ERC2: variants seen among roughly 807,000 people sequenced by gnomAD.
ERC2 encodes the protein ELKS/RAB6-interacting/CAST family member 2.
Under a neutral mutation model 114.8 loss-of-function variants are expected in ERC2, and 42 were observed. That is an observed-to-expected ratio of 0.37 (90% CI 0.29 to 0.47). The LOEUF is 0.47. ERC2 is among the 20% of genes least tolerant of loss of function. The pLI is 0.99. For missense variants in ERC2, 939 were observed against 1,150.7 expected, an observed-to-expected ratio of 0.82 and a Z score of 2.66; for synonymous variants, 454 against 425.5, an observed-to-expected ratio of 1.07 and a Z score of -0.82.
At chr3:55,973,508 T>C (rs1291117972) in intron 12 of ERC2, among the ~76,000 whole-genome samples, 1 of 152,230 alleles carries the variant, frequency 6.6e-6, no homozygotes, top group Non-Finnish European at 1.5e-5. Flanking sequence ...AAATTGTTTT[T>C]ATGATGCCAT....
intron 3 of ERC2, among the ~76,000 whole-genome samples, chr3:56,293,142 G>C (rs1317330116): frequency 6.6e-6 from 1 of 152,248 alleles, no homozygotes; most frequent in Non-Finnish European, 1.5e-5. Context: ...GAATGAATGA[G>C]ATGATTCAGT....
At chr3:56,367,860 C>G (rs1217755603) in intron 2 of ERC2, among the ~76,000 whole-genome samples, 1 of 150,196 alleles carries the variant, frequency 6.7e-6, no homozygotes, top group Non-Finnish European at 1.5e-5. Context: ...CTGTTTGAGC[C>G]CAGGAGTTAA....
intron 13 of ERC2, among the ~76,000 whole-genome samples, chr3:55,916,965 C>T (rs539733756): frequency 6.6e-6 from 1 of 152,044 alleles, no homozygotes; most frequent in Non-Finnish European, 1.5e-5. Flanking sequence ...GGTTTTTTTG[C>T]ACTAAAGTGC....
At chr3:56,106,354 T>C (rs1055716196) in intron 6 of ERC2, among the ~76,000 whole-genome samples, 1 of 152,242 alleles carries the variant, frequency 6.6e-6, no homozygotes, top group Non-Finnish European at 1.5e-5. Context: ...ATGATCCAGT[T>C]ATGTATTAGA....
intron 13 of ERC2, among the ~76,000 whole-genome samples, chr3:55,898,193 T>G (rs748345302): frequency 8.5e-5 from 13 of 152,152 alleles, no homozygotes; most frequent in Non-Finnish European, 1.8e-4. Context: ...TTCTCCAAAA[T>G]GCCCTTGAGC....
At chr3:55,972,508 A>ATG (rs2069243110) in intron 12 of ERC2, among the ~76,000 whole-genome samples, 1 of 152,152 alleles carries the variant, frequency 6.6e-6, no homozygotes, top group African/African-American at 2.4e-5. Context: ...ACTCCCACCT[A>ATG]TGAGTGAGAA....
intron 15 of ERC2, among the ~76,000 whole-genome samples, chr3:55,725,259 T>C (rs1444052873): frequency 6.6e-6 from 1 of 152,220 alleles, no homozygotes; most frequent in African/African-American, 2.4e-5. Context: ...AAAGTTGATC[T>C]TTTCAAGTTT....
intron 15 of ERC2, among the ~76,000 whole-genome samples, chr3:55,708,917 G>A (rs2063625549): frequency 6.8e-6 from 1 of 147,512 alleles, no homozygotes; most frequent in Non-Finnish European, 1.5e-5. Context: ...GAAGACAAGA[G>A]AAGAGAGAAA....
intron 15 of ERC2, among the ~76,000 whole-genome samples, chr3:55,722,912 A>T (rs2064670049): frequency 6.6e-6 from 1 of 152,214 alleles, no homozygotes; most frequent in South Asian, 2.1e-4. Context: ...GGAGACGGCC[A>T]TTTCTTAATG....
intron 14 of ERC2, among the ~76,000 whole-genome samples, chr3:55,856,284 T>C (rs963832938): frequency 6.6e-6 from 1 of 152,200 alleles, no homozygotes; most frequent in Non-Finnish European, 1.5e-5. Flanking sequence ...GTGATCGATC[T>C]GCTAGGGCAT....
At chr3:55,619,954 G>A (rs1559753003) in intron 17 of ERC2, among the ~76,000 whole-genome samples, 2 of 152,150 alleles carry the variant, frequency 1.3e-5, no homozygotes, top group East Asian at 3.9e-4. Context: ...AGGGTTCTTT[G>A]AAGGATTGCT....
intron 13 of ERC2, among the ~76,000 whole-genome samples, chr3:55,927,788 ACTCT>A (rs1266549176): frequency 2.0e-5 from 3 of 151,612 alleles, no homozygotes; most frequent in African/African-American, 7.3e-5. Flanking sequence ...CCATCCTTCT[ACTCT>A]CTATCTCCAT....
intron 3 of ERC2, among the ~76,000 whole-genome samples, chr3:56,239,816 A>G (rs768142926): frequency 2.0e-5 from 3 of 152,240 alleles, no homozygotes; most frequent in Non-Finnish European, 4.4e-5. Context: ...CATATATCAC[A>G]GAACTGGCTG....
intron 17 of ERC2, among the ~76,000 whole-genome samples, chr3:55,594,780 G>T (rs1027103363): frequency 1.3e-5 from 2 of 152,086 alleles, no homozygotes; most frequent in African/African-American, 4.8e-5. Flanking sequence ...CACTGCGCCT[G>T]GCCAGTCAGG....
intron 1 of ERC2, among the ~76,000 whole-genome samples, chr3:56,447,153 A>G (rs561872179): frequency 2.6e-4 from 40 of 152,210 alleles, no homozygotes; most frequent in Non-Finnish European, 5.6e-4. Context: ...AGCATCCGCT[A>G]CACCCCCACA....
chr3:55,651,825 A>G (rs996925734), intron 17 of ERC2, among the ~76,000 whole-genome samples: 1 of 152,212 alleles, frequency 6.6e-6, no homozygotes, highest in African/African-American at 2.4e-5. Flanking sequence ...ACAGGCTTAT[A>G]CCAAATGAGG....
intron 16 of ERC2, among the ~76,000 whole-genome samples, chr3:55,691,155 G>T (rs909261971): frequency 6.6e-6 from 1 of 152,106 alleles, no homozygotes; most frequent in African/African-American, 2.4e-5. Flanking sequence ...CACATATGCC[G>T]TCTGGCTCAC....
chr3:56,259,543 A>G (rs116074593), intron 3 of ERC2, among the ~76,000 whole-genome samples: 1,790 of 152,206 alleles, frequency 0.012, 30 homozygotes, highest in African/African-American at 0.041. Context: ...CACAACAGGT[A>G]TGGGGGAGGA....
chr3:56,324,350 C>T (rs757563406), intron 2 of ERC2, among the ~76,000 whole-genome samples: 22 of 152,318 alleles, frequency 1.4e-4, no homozygotes, highest in Non-Finnish European at 2.6e-4. Context: ...TATACAGATG[C>T]TCCTTGACTT....
Sources: gnomAD v4.1 joint callset for allele counts (sites outside exome capture counted in the v4.1 genomes callset) on GRCh38, gnomAD v4.1.1 for gene constraint, MANE v1.5 for transcripts, NCBI Gene and HGNC (gene_info 2026-07-23, HGNC 2026-07-21) for gene names.